The following CALCRL variants were observed in gnomAD, a reference collection of about 807,000 sequenced individuals.
CALCRL encodes the protein calcitonin receptor like receptor.
A neutral mutation model predicts 60.4 loss-of-function variants in CALCRL; 27 were observed. The observed-to-expected ratio is 0.45, with a 90% CI of 0.33 to 0.62. The LOEUF (loss-of-function observed/expected upper bound fraction) is 0.62, where lower values mean the gene tolerates loss of function less well. Ranked by LOEUF, CALCRL falls within the 20% of genes least tolerant of loss-of-function variation. The pLI is 0.03. For missense variants in CALCRL, 424 were observed against 540.7 expected, an observed-to-expected ratio of 0.78 and a Z score of 2.14; for synonymous variants, 190 against 182.6, an observed-to-expected ratio of 1.04 and a Z score of -0.33.
chr2:187,435,265 T>G (rs1031496305), intron 1 of CALCRL, among the ~76,000 whole-genome samples: 4 of 152,072 alleles, frequency 2.6e-5, no homozygotes. Flanking sequence ...AGCTGACATA[T>G]CCTCATATCT....
At chr2:187,362,913 A>G (rs1224018618) in intron 9 of CALCRL, among the ~76,000 whole-genome samples, 9 of 152,118 alleles carry the variant, frequency 5.9e-5, no homozygotes, top group Admixed American at 5.9e-4. Context: ...AAAAAATATA[A>G]TTTATTTAAA....
chr2:187,346,953 A>T (rs1277880213), intron 14 of CALCRL, among the ~76,000 whole-genome samples: 1 of 151,786 alleles, frequency 6.6e-6, no homozygotes, highest in Non-Finnish European at 1.5e-5. Context: ...GTCTTCATGG[A>T]GCTTACTACA....
In CALCRL at chr2:187,342,354, T is replaced by C. The variant is rs1329628563; in HGVS notation, c.*3830A>G. On this transcript the variant is annotated 3_prime_UTR_variant, in exon 15 of 15. Coordinates refer to ENST00000392370, the MANE Select transcript of CALCRL (RefSeq NM_005795.6). ...GTGTCTCTATGGATGTATTAAAATA[T>C]ACTCTACTAATATACTAAAAACTGC... Among the ~76,000 whole-genome samples the C allele has an allele frequency of 6.6e-6, 1 of 151,750 alleles. No individual in the cohort carries two copies. The highest frequency in any genetic ancestry group is 1.5e-5 in the Non-Finnish European group (1 of 67,688).
At chr2:187,429,877 A>G (rs1159986659) in intron 1 of CALCRL, among the ~76,000 whole-genome samples, 1 of 152,006 alleles carries the variant, frequency 6.6e-6, no homozygotes, top group Non-Finnish European at 1.5e-5. Context: ...ACATGTTATA[A>G]GTTGAAAAAC....
At chr2:187,357,560 T>C (rs1686851568) in intron 12 of CALCRL, among the ~76,000 whole-genome samples, 2 of 147,992 alleles carry the variant, frequency 1.4e-5, no homozygotes, top group African/African-American at 5.0e-5. Context: ...CATGTGGCGC[T>C]TAAAACCCAA....
At chr2:187,377,650 A>G (rs576630919) in intron 8 of CALCRL, among the ~76,000 whole-genome samples, 1 of 152,282 alleles carries the variant, frequency 6.6e-6, no homozygotes, top group South Asian at 2.1e-4. Flanking sequence ...CTATGGGAAA[A>G]GTTATAGTCA....
chr2:187,405,333 G>A (rs147109936), intron 1 of CALCRL, among the ~76,000 whole-genome samples: 48 of 152,086 alleles, frequency 3.2e-4, no homozygotes, highest in African/African-American at 1.0e-3. Context: ...ATGAACACAT[G>A]GTAGGATTTT....
intron 1 of CALCRL, among the ~76,000 whole-genome samples, chr2:187,416,060 A>G (rs144158498): frequency 2.0e-5 from 3 of 152,260 alleles, no homozygotes; most frequent in African/African-American, 4.8e-5. Flanking sequence ...TAATAATAAT[A>G]CAGGTATAAA....
intron 1 of CALCRL, among the ~76,000 whole-genome samples, chr2:187,443,751 G>T (rs564014334): frequency 2.6e-5 from 4 of 151,542 alleles, no homozygotes; most frequent in African/African-American, 9.6e-5. Flanking sequence ...CTTTTCCCAT[G>T]GTTTTAACTC....
chr2:187,354,524 G>A (rs939516476), intron 12 of CALCRL, among the ~76,000 whole-genome samples: 1 of 151,946 alleles, frequency 6.6e-6, no homozygotes, highest in Non-Finnish European at 1.5e-5. Context: ...TATAAAAATT[G>A]TGCAAAAACA....
intron 1 of CALCRL, among the ~76,000 whole-genome samples, chr2:187,433,184 G>A (rs1219288765): frequency 6.6e-6 from 1 of 152,090 alleles, no homozygotes; most frequent in East Asian, 1.9e-4. Context: ...CAGGTTCAAA[G>A]TTGAAGTTTA....
At chr2:187,369,572 A>C (rs1424709257) in intron 8 of CALCRL, among the ~76,000 whole-genome samples, 1 of 152,212 alleles carries the variant, frequency 6.6e-6, no homozygotes, top group African/African-American at 2.4e-5. Flanking sequence ...GCTTCTGACT[A>C]CTTTATAATC....
At chr2:187,414,227 TTCTG>T (rs1353968009) in intron 1 of CALCRL, among the ~76,000 whole-genome samples, 9 of 152,132 alleles carry the variant, frequency 5.9e-5, no homozygotes, top group Non-Finnish European at 7.4e-5. Context: ...GGCCGGAAGC[TTCTG>T]TCTATCATGT....
intron 7 of CALCRL, among the ~76,000 whole-genome samples, chr2:187,379,726 C>T (rs928328552): frequency 1.3e-5 from 2 of 152,118 alleles, no homozygotes; most frequent in East Asian, 3.9e-4. Flanking sequence ...TTAAGTATTT[C>T]CCTTGTGTTA....
At chr2:187,388,618 C>G (rs1457715407) in intron 1 of CALCRL, among the ~76,000 whole-genome samples, 2 of 152,046 alleles carry the variant, frequency 1.3e-5, no homozygotes, top group African/African-American at 4.8e-5. Context: ...GCAATTTAAT[C>G]TAACCTAATG....
intron 1 of CALCRL, among the ~76,000 whole-genome samples, chr2:187,418,218 A>G (rs1172226098): frequency 6.6e-6 from 1 of 152,168 alleles, no homozygotes; most frequent in Admixed American, 6.5e-5. Context: ...AAGAAAAAAA[A>G]TTGTGTATAT....
intron 1 of CALCRL, among the ~76,000 whole-genome samples, chr2:187,429,133 G>A (rs187880026): frequency 1.3e-5 from 2 of 151,956 alleles, no homozygotes; most frequent in Non-Finnish European, 2.9e-5. Context: ...AGAAATAGAT[G>A]CTTCTGTTGC....
At chr2:187,397,272 T>A (rs1317439005) in intron 1 of CALCRL, among the ~76,000 whole-genome samples, 14 of 151,696 alleles carry the variant, frequency 9.2e-5, no homozygotes, top group Non-Finnish European at 1.8e-4. Context: ...AGTTTTTTTT[T>A]ATCTTCTGCA....
chr2:187,382,809 G>A (rs973837112), intron 5 of CALCRL, among the ~76,000 whole-genome samples: 4 of 151,482 alleles, frequency 2.6e-5, no homozygotes, highest in South Asian at 2.1e-4. Context: ...TATATTATTA[G>A]GCAACCTCCT....
Sources: gnomAD v4.1 joint callset for allele counts (sites outside exome capture counted in the v4.1 genomes callset) on GRCh38, gnomAD v4.1.1 for gene constraint, MANE v1.5 for transcripts, NCBI Gene and HGNC (gene_info 2026-07-23, HGNC 2026-07-21) for gene names.